Variants in OPTC observed in about 807,000 individuals in gnomAD.
The protein encoded by OPTC is oculoglycan.
A neutral mutation model predicts 25.4 loss-of-function variants in OPTC; 22 were observed. The ratio of observed to expected loss-of-function variants is 0.87; its 90% CI spans 0.62 to 1.24. The LOEUF is 1.24. Ranked by LOEUF, OPTC falls within the 50% of genes most tolerant of loss-of-function variation. The pLI is 0.00. For missense variants in OPTC, 417 were observed against 425.2 expected (o/e 0.98, Z 0.17); for synonymous variants, 169 against 179.3 (o/e 0.94, Z 0.46).
chr1:203,498,925 G>T, intron 4 of OPTC, 86 bp downstream of exon 4: 1 of 1,459,578 alleles, frequency 6.9e-7, no homozygotes, highest in Non-Finnish European at 9.6e-7. Context: ...CTGTGTTAGT[G>T]CCCCCCGTGT....
chr1:203,501,130 G>T (rs1328363860), intron 5 of OPTC, among the ~76,000 whole-genome samples: 1 of 152,124 alleles, frequency 6.6e-6, no homozygotes, highest in Non-Finnish European at 1.5e-5. Flanking sequence ...GACAGATCTG[G>T]CTCTGTCGCC....
At chr1:203,502,688 C>T (rs1182601746) in intron 5 of OPTC, among the ~76,000 whole-genome samples, 1 of 152,214 alleles carries the variant, frequency 6.6e-6, no homozygotes, top group Non-Finnish European at 1.5e-5. Flanking sequence ...GCTGGCACCT[C>T]AATGGTAGCA....
chr1:203,502,605 C>T (rs1661408423), intron 5 of OPTC, among the ~76,000 whole-genome samples: 2 of 152,218 alleles, frequency 1.3e-5, no homozygotes, highest in Non-Finnish European at 2.9e-5. Context: ...GTCCTCCCTT[C>T]TACCCTGTCC....
intron 7 of OPTC, among the ~76,000 whole-genome samples, chr1:203,505,571 C>T (rs1006357579): frequency 6.6e-6 from 1 of 152,214 alleles, no homozygotes; most frequent in African/African-American, 2.4e-5. Flanking sequence ...CTGTAAACAG[C>T]CAAGTCAGAA....
At chr1:203,500,171 C>A (rs1250983505) in intron 5 of OPTC, among the ~76,000 whole-genome samples, 2 of 1,900 alleles carry the variant, frequency 1.1e-3, no homozygotes, top group Non-Finnish European at 1.2e-3. Context: ...CCACCCACCT[C>A]CACCACCACC....
chr1:203,502,596 T>C (rs1283851622), intron 5 of OPTC, among the ~76,000 whole-genome samples: 2 of 152,116 alleles, frequency 1.3e-5, no homozygotes, highest in African/African-American at 4.8e-5. Context: ...TGTCCCCTGG[T>C]CCTCCCTTCT....
intron 4 of OPTC, 79 bp downstream of exon 4, chr1:203,498,918 T>C: frequency 6.7e-7 from 1 of 1,495,892 alleles, no homozygotes; most frequent in East Asian, 2.3e-5. Context: ...ACCAACACTG[T>C]GTTAGTGCCC....
In OPTC at chr1:203,496,980, A is replaced by G. The variant is rs375900748; in HGVS notation, c.235A>G (p.Lys79Glu). The change falls in exon 3 of 8, where the codon AAG becomes GAG. Residue 79 changes from lysine (K) to glutamate (E), a missense_variant. Lys to Glu is a moderately conservative substitution (Grantham distance 56, BLOSUM62 1). Transcript: ENST00000367222. The part of the protein sequence containing the change: ...TDYGDQLPEV[K>E]VTSLAPATSI... ...GTACTCTGTGCTACATCTCCAGGTT[A>G]AGGTGACTAGCCTCGCTCCTGCAAC... 1.2e-5 allele frequency: 20 copies of G among 1,614,112 alleles called. No individual in the cohort carries two copies. In the South Asian group the frequency reaches 1.6e-4, roughly 13 times the overall value.
Position 203,503,674 on chromosome 1 carries a change from G to A in OPTC, c.953G>A (p.Ser318Asn). 1 of 1,612,406 alleles carries A rather than the reference G, an allele frequency of 6.2e-7. No homozygotes were observed. Among genetic ancestry groups the A allele is most frequent in the African/African-American group, 1.3e-5 (1 of 75,020 alleles). The change falls in exon 7 of 8, where the codon AGC becomes AAC. Residue 318 changes from serine to asparagine, a missense_variant. Physicochemically the swap from Ser to Asn is conservative, Grantham distance 46 (BLOSUM62 1). Transcript: ENST00000367222. ...CCCATCAACCTCAGCCTCTTCCCCAGCGCCTACTTCTGCCTGCCTCGGCTC... is the reference window on the plus strand; with the variant it reads ...CCCATCAACCTCAGCCTCTTCCCCAACGCCTACTTCTGCCTGCCTCGGCTC... The part of the protein sequence containing the change: ...GNPINLSLFP[S>N]AYFCLPRLPI...
At position 203,495,985 on chromosome 1, in the gene OPTC, C is replaced by G. The variant is rs1262516878; in HGVS notation, c.-21C>G. The G allele has an allele frequency of 1.3e-6, 2 of 1,570,418 alleles. No homozygotes were observed. Among genetic ancestry groups the G allele is most frequent in the African/African-American group, 1.4e-5 (1 of 73,962 alleles). ...GCCAGGACCAGCCGCTGAAGGGATT[C>G]TCAGTCCCATCTGACTCCCCATGAG... On this transcript the variant is annotated 5_prime_UTR_variant, in exon 2 of 8. Transcript: ENST00000367222.
intron 1 of OPTC, among the ~76,000 whole-genome samples, chr1:203,495,518 A>G (rs1289294766): frequency 6.6e-6 from 1 of 152,226 alleles, no homozygotes; most frequent in Non-Finnish European, 1.5e-5. Flanking sequence ...CTTCGTCTCA[A>G]AAAAACAAAC....
chr1:203,498,819 C>A lies in OPTC; in HGVS notation c.509C>A (p.Ala170Asp). Residue 170 changes from alanine (A) to aspartate (D), a missense_variant, in exon 4 of 8, where the codon GCC becomes GAC. Physicochemically the swap from Ala to Asp is moderately radical, Grantham distance 126. Transcript: ENST00000367222. ...ARFNRISRIR[A>D]EDFKGLTKLK... ...TTCAACCGCATCAGCCGTATCAGGG[C>A]CGAAGACTTCAAAGGGCTGAGTATG... The A allele has an allele frequency of 6.2e-7, 1 of 1,614,020 alleles. No individual in the cohort carries two copies. Among genetic ancestry groups the A allele is most frequent in the Non-Finnish European group, 8.5e-7 (1 of 1,180,034 alleles).
At chr1:203,507,112 A>G (rs1024755421) in intron 7 of OPTC, among the ~76,000 whole-genome samples, 1 of 152,194 alleles carries the variant, frequency 6.6e-6, no homozygotes, top group African/African-American at 2.4e-5. Flanking sequence ...AGAGATGGGG[A>G]GAGACAGAGA....
At chr1:203,507,798 G>A (rs912534957) in intron 7 of OPTC, among the ~76,000 whole-genome samples, 11 of 148,282 alleles carry the variant, frequency 7.4e-5, no homozygotes, top group Non-Finnish European at 1.0e-4. Flanking sequence ...GAGGAGGCTC[G>A]TGGAGAAGGG....
chr1:203,499,896 A>G, intron 5 of OPTC, 45 bp downstream of exon 5: 1 of 1,504,106 alleles, frequency 6.6e-7, no homozygotes, highest in South Asian at 1.1e-5. Flanking sequence ...TCCACCACCC[A>G]CCTCTACCAC....
intron 1 of OPTC, among the ~76,000 whole-genome samples, chr1:203,495,344 C>A (rs1296151299): frequency 6.6e-6 from 1 of 152,144 alleles, no homozygotes; most frequent in African/African-American, 2.4e-5. Context: ...TATGGTGAAA[C>A]CCCTTCTCTA....
chr1:203,508,603 C>G (rs1240577355), intron 7 of OPTC, 43 bp from the exon 8 acceptor site: 1 of 151,882 alleles, frequency 6.6e-6, no homozygotes, highest in Non-Finnish European at 1.5e-5. Context: ...CCCTCTCCCC[C>G]ACACTAGACA....
intron 5 of OPTC, among the ~76,000 whole-genome samples, chr1:203,501,580 G>A (rs973123611): frequency 3.9e-5 from 6 of 152,134 alleles, no homozygotes; most frequent in African/African-American, 9.7e-5. Flanking sequence ...AATCTTTTAC[G>A]CAATCTAATT....
chr1:203,500,646 A>G (rs1661378616), intron 5 of OPTC, among the ~76,000 whole-genome samples: 2 of 152,256 alleles, frequency 1.3e-5, no homozygotes, highest in African/African-American at 2.4e-5. Context: ...TGGAAACAGT[A>G]CTATCAGGCC....
Sources: gnomAD v4.1 joint callset for allele counts (sites outside exome capture counted in the v4.1 genomes callset) on GRCh38, gnomAD v4.1.1 for gene constraint, MANE v1.5 for transcripts, NCBI Gene and HGNC (gene_info 2026-07-23, HGNC 2026-07-21) for gene names.